Variants in KAT2B observed in about 807,000 individuals in gnomAD.
KAT2B encodes the protein histone acetyltransferase KAT2B.
In KAT2B, 36 loss-of-function variants were observed where a neutral mutation model predicts 105.9. That is an observed-to-expected ratio of 0.34 (90% CI 0.26 to 0.45). The LOEUF (loss-of-function observed/expected upper bound fraction) is 0.45. Ranked by LOEUF, KAT2B falls within the 20% of genes least tolerant of loss-of-function variation. The pLI, the probability that KAT2B is intolerant of heterozygous loss-of-function variation, is 1.00. For missense variants in KAT2B, 820 were observed against 1,021.6 expected, an observed-to-expected ratio of 0.80 and a Z score of 2.69; for synonymous variants, 397 against 377.9, an observed-to-expected ratio of 1.05 and a Z score of -0.59.
chr3:20,146,639 C>T (rs760720849), intron 14 of KAT2B: 12 of 405,762 alleles, frequency 3.0e-5, no homozygotes, highest in African/African-American at 1.5e-4. Context: ...CTTAGATGCC[C>T]CCTTGTAATA....
At position 20,148,395 on chromosome 3, in the gene KAT2B, T is replaced by C; in HGVS notation, c.2221-8T>C. On this transcript the variant is annotated splice_region_variant and splice_polypyrimidine_tract_variant and intron_variant, in intron 16 of 17. Transcript: ENST00000263754. Reference sequence around the variant, plus strand: ...ATATTAGATACCTTACTTTTTTCTTTACCCAAGAGCCATCAAAGCGCTTGG... The same window carrying C: ...ATATTAGATACCTTACTTTTTTCTTCACCCAAGAGCCATCAAAGCGCTTGG... 6.2e-7 allele frequency: 1 copy of C among 1,609,648 alleles called. No individual in the cohort carries two copies. Among genetic ancestry groups the C allele is most frequent in the Non-Finnish European group, 8.5e-7 (1 of 1,178,620 alleles).
intron 2 of KAT2B, among the ~76,000 whole-genome samples, chr3:20,072,786 T>A (rs2125181465): frequency 6.6e-6 from 1 of 152,366 alleles, no homozygotes; most frequent in Admixed American, 6.5e-5. Context: ...GGTTGGGGCC[T>A]GAGGGTCTTT....
At chr3:20,044,587 T>G (rs1351524201) in intron 1 of KAT2B, among the ~76,000 whole-genome samples, 1 of 146,466 alleles carries the variant, frequency 6.8e-6, no homozygotes, top group Non-Finnish European at 1.5e-5. Context: ...TTTCACCTAG[T>G]CGGGGGTGAG....
chr3:20,149,405 AG>A (rs1417644952), intron 17 of KAT2B, among the ~76,000 whole-genome samples: 1 of 147,410 alleles, frequency 6.8e-6, no homozygotes, highest in Non-Finnish European at 1.5e-5. Flanking sequence ...CTGAGGTTGG[AG>A]GATCACTTGA....
chr3:20,139,415 G>A (rs542078360), intron 12 of KAT2B, among the ~76,000 whole-genome samples: 2 of 152,130 alleles, frequency 1.3e-5, no homozygotes, highest in Non-Finnish European at 2.9e-5. Context: ...TAACTGTAGT[G>A]CAAAGCATAA....
At chr3:20,104,149 A>T (rs1057024945) in intron 5 of KAT2B, among the ~76,000 whole-genome samples, 7 of 152,200 alleles carry the variant, frequency 4.6e-5, no homozygotes, top group Admixed American at 4.6e-4. Context: ...AGGGAATAGA[A>T]AAACAGCAAA....
intron 11 of KAT2B, among the ~76,000 whole-genome samples, chr3:20,134,476 T>C (rs1053535966): frequency 2.0e-5 from 3 of 152,224 alleles, no homozygotes; most frequent in Non-Finnish European, 4.4e-5. Flanking sequence ...AGCTCAGATC[T>C]TGGCTCACAG....
At chr3:20,132,333 A>G (rs1467742308) in intron 11 of KAT2B, among the ~76,000 whole-genome samples, 4 of 152,222 alleles carry the variant, frequency 2.6e-5, no homozygotes, top group Admixed American at 2.0e-4. Context: ...AGATTGTGCT[A>G]TTGCACTTCA....
intron 13 of KAT2B, among the ~76,000 whole-genome samples, chr3:20,142,561 T>G (rs1335510344): frequency 1.3e-5 from 2 of 150,674 alleles, no homozygotes; most frequent in Non-Finnish European, 3.0e-5. Context: ...GTTGTAGTTG[T>G]CATTAGTAGA....
intron 1 of KAT2B, among the ~76,000 whole-genome samples, chr3:20,053,754 T>C (rs1242602908): frequency 6.6e-6 from 1 of 152,216 alleles, no homozygotes; most frequent in Admixed American, 6.5e-5. Flanking sequence ...ATAGACTTTC[T>C]TTAATTGTTC....
In KAT2B at chr3:20,152,345, G is replaced by A. The variant is rs1413435391; in HGVS notation, c.2319G>A (p.Met773Ile). 7 of 1,612,176 alleles carry A rather than the reference G, an allele frequency of 4.3e-6. No homozygotes were observed. The East Asian group carries it at 1.6e-4, about 36-fold the overall frequency. ...VIRFPMDLKTMSERLKNRYYV... is the reference protein window; with the variant it reads ...VIRFPMDLKTISERLKNRYYV... ...TTTCCTGTGCAGATCTGAAAACCAT[G>A]AGTGAACGCCTCAAGAATAGGTACT... Residue 773 changes from methionine (M) to isoleucine (I), a missense_variant, in exon 18 of 18, where the codon ATG becomes ATA. Transcript: ENST00000263754.
At chr3:20,047,156 G>T (rs1915923) in intron 1 of KAT2B, among the ~76,000 whole-genome samples, 1 of 150,428 alleles carries the variant, frequency 6.6e-6, no homozygotes, top group Non-Finnish European at 1.5e-5. Flanking sequence ...GGCTCAGGTG[G>T]TCCTCCCACC....
chr3:20,095,175 C>A, intron 2 of KAT2B, 88 bp from the exon 3 acceptor site: 1 of 1,063,762 alleles, frequency 9.4e-7, no homozygotes, highest in Non-Finnish European at 1.4e-6. Context: ...GATGGTAAGA[C>A]TGATGAAAGA....
intron 1 of KAT2B, among the ~76,000 whole-genome samples, chr3:20,071,437 G>A (rs1054930302): frequency 6.6e-6 from 1 of 152,230 alleles, no homozygotes; most frequent in South Asian, 2.1e-4. Flanking sequence ...AGGGGCAGAA[G>A]AATTATTTTT....
chr3:20,106,216 T>G (rs1000582184), intron 5 of KAT2B, among the ~76,000 whole-genome samples: 1 of 152,218 alleles, frequency 6.6e-6, no homozygotes, highest in African/African-American at 2.4e-5. Context: ...ATTTGAACAG[T>G]AAGAAAATAG....
intron 1 of KAT2B, among the ~76,000 whole-genome samples, chr3:20,059,573 C>T (rs1468409719): frequency 2.0e-5 from 3 of 149,396 alleles, no homozygotes; most frequent in East Asian, 2.0e-4. Flanking sequence ...GGTGTGGTGG[C>T]GGGCGCCTGT....
At chr3:20,141,312 G>A (rs915123276) in intron 13 of KAT2B, among the ~76,000 whole-genome samples, 2 of 151,918 alleles carry the variant, frequency 1.3e-5, no homozygotes, top group Non-Finnish European at 2.9e-5. Flanking sequence ...AAGAGAAGCA[G>A]TAAAAGGGAA....
At chr3:20,113,780 T>G (rs1163046737) in intron 6 of KAT2B, among the ~76,000 whole-genome samples, 2 of 152,170 alleles carry the variant, frequency 1.3e-5, no homozygotes, top group Non-Finnish European at 2.9e-5. Flanking sequence ...AGGGCTTACA[T>G]TCTTATCTTC....
At chr3:20,049,010 C>T (rs578017449) in intron 1 of KAT2B, among the ~76,000 whole-genome samples, 13 of 147,170 alleles carry the variant, frequency 8.8e-5, no homozygotes, top group Admixed American at 2.7e-4. Flanking sequence ...TACAGGCCCC[C>T]GCCACCACGC....
Sources: allele counts gnomAD v4.1 joint callset (sites outside exome capture counted in the v4.1 genomes callset), GRCh38; gene constraint gnomAD v4.1.1; transcripts MANE v1.5; gene names NCBI Gene and HGNC (gene_info 2026-07-23, HGNC 2026-07-21).